Variants in RBFOX3 observed in about 807,000 individuals in gnomAD.
The protein encoded by RBFOX3 is RNA binding protein fox-1 homolog 3.
RBFOX3 carries 17 observed loss-of-function variants against 48.7 expected under a neutral mutation model. The observed-to-expected ratio is 0.35, with a 90% CI of 0.24 to 0.52. RBFOX3 has a LOEUF of 0.52. RBFOX3 is among the 20% of genes least tolerant of loss of function. The probability of loss-of-function intolerance (pLI) is 0.94; values close to 1 mark genes in which losing one functional copy is unlikely to be tolerated. For synonymous variants in RBFOX3, 212 were observed against 209.5 expected (o/e 1.01, Z -0.10); for missense variants, 382 against 497.5 (o/e 0.77, Z 2.21).
chr17:79,361,791 G>A lies in RBFOX3; in HGVS notation c.-174-53967C>T, dbSNP rs748108074. Among the ~76,000 whole-genome samples, 3 of 152,244 alleles carry A rather than the reference G, an allele frequency of 2.0e-5. No individual in the cohort carries two copies. Among genetic ancestry groups the A allele is most frequent in the African/African-American group, 4.8e-5 (2 of 41,464 alleles). On this transcript the variant is annotated intron_variant, in intron 2 of 14. Transcript: ENST00000693108. The surrounding 1 kb of genome is among the most constrained non-coding windows in gnomAD (Gnocchi z 4.5). ...GCACTTATTTATTTAGAGAAGCAGAGGAAGTGGAGGTGTTGCCAGTTCTTG... is the reference window on the plus strand; with the variant it reads ...GCACTTATTTATTTAGAGAAGCAGAAGAAGTGGAGGTGTTGCCAGTTCTTG...
intron 2 of RBFOX3, among the ~76,000 whole-genome samples, chr17:79,385,659 G>A (rs746845959): frequency 2.0e-5 from 3 of 152,184 alleles, no homozygotes; most frequent in African/African-American, 4.8e-5. Context: ...TATCACCCCC[G>A]TTACAGACAG....
chr17:79,231,858 TC>T (rs1157813397), intron 4 of RBFOX3, among the ~76,000 whole-genome samples: 1 of 152,192 alleles, frequency 6.6e-6, no homozygotes, highest in Non-Finnish European at 1.5e-5. Flanking sequence ...ATGTCACTGA[TC>T]GCTGTATTAG....
rs2063325056 is a variant in RBFOX3, at chr17:79,404,714, TC to T, written c.-175+77739del. Among the ~76,000 whole-genome samples, 12 of 152,002 alleles carry T rather than the reference TC, an allele frequency of 7.9e-5. No individual in the cohort carries two copies. The South Asian group carries it at 2.5e-3, about 32-fold the overall frequency. On this transcript the variant is annotated intron_variant, in intron 2 of 14. Coordinates refer to ENST00000693108, the MANE Select transcript of RBFOX3 (RefSeq NM_001350451.2). ...CCCAGTCCTGCTCTCACAGCCTCCC[TC>T]CCCCAAGAACCATCCATGGCTCCCT...
chr17:79,536,865 C>G (rs996119677), intron 1 of RBFOX3, among the ~76,000 whole-genome samples: 4 of 152,178 alleles, frequency 2.6e-5, no homozygotes, highest in African/African-American at 9.7e-5. Context: ...GCGGGCAGAT[C>G]ACAAGGTCAG....
At chr17:79,439,753 C>T (rs917657914) in intron 2 of RBFOX3, among the ~76,000 whole-genome samples, 4 of 152,334 alleles carry the variant, frequency 2.6e-5, no homozygotes, top group Non-Finnish European at 4.4e-5. Context: ...CACATGTGTG[C>T]GTAAGTGCAA....
chr17:79,490,231 A>G (rs1196178684), intron 1 of RBFOX3, among the ~76,000 whole-genome samples: 4 of 152,200 alleles, frequency 2.6e-5, no homozygotes, highest in East Asian at 1.9e-4. Context: ...TTAATAATAC[A>G]GTGTACCTTT....
chr17:79,148,083 C>G (rs1294230987), intron 4 of RBFOX3, among the ~76,000 whole-genome samples: 1 of 151,926 alleles, frequency 6.6e-6, no homozygotes, highest in Admixed American at 6.5e-5. Context: ...CCGTGGGACC[C>G]CAGGGTGCGT....
chr17:79,128,119 C>T (rs1000976077), intron 4 of RBFOX3, among the ~76,000 whole-genome samples: 1 of 152,218 alleles, frequency 6.6e-6, no homozygotes, highest in African/African-American at 2.4e-5. Flanking sequence ...GGAAGCCCTC[C>T]CCAGCATTGG....
intron 4 of RBFOX3, among the ~76,000 whole-genome samples, chr17:79,188,612 G>A (rs916788652): frequency 1.3e-5 from 2 of 152,192 alleles, no homozygotes; most frequent in African/African-American, 4.8e-5. Context: ...CCCCTCGGGG[G>A]CCCAGGAGCC....
the RBFOX3 span, among the ~76,000 whole-genome samples, chr17:79,626,489 C>T: frequency 6.6e-6 from 1 of 152,220 alleles, no homozygotes; most frequent in Admixed American, 6.5e-5. Context: ...ATACTAAAAT[C>T]ATCATCCCCC....
chr17:79,434,284 G>C (rs1187380683), intron 2 of RBFOX3, among the ~76,000 whole-genome samples: 1 of 152,180 alleles, frequency 6.6e-6, no homozygotes, highest in African/African-American at 2.4e-5. Context: ...TCTTGATTTT[G>C]GGGTCACAAA....
intron 3 of RBFOX3, among the ~76,000 whole-genome samples, chr17:79,264,151 G>A (rs1414226096): frequency 6.6e-6 from 1 of 151,140 alleles, no homozygotes; most frequent in African/African-American, 2.4e-5. Context: ...GGAGTGCAGT[G>A]GTGCGATTTC....
At chr17:79,181,325 A>G (rs1478893779) in intron 4 of RBFOX3, among the ~76,000 whole-genome samples, 1 of 152,194 alleles carries the variant, frequency 6.6e-6, no homozygotes, top group Non-Finnish European at 1.5e-5. Context: ...GTGGCTGTAC[A>G]GCAGATCTGT....
In RBFOX3 at chr17:79,245,525, A is replaced by G. The variant is rs1006422837; in HGVS notation, c.-73-9720T>C. On this transcript the variant is annotated intron_variant, in intron 3 of 14. Coordinates refer to ENST00000693108, the MANE Select transcript of RBFOX3 (RefSeq NM_001350451.2). ...ATGAAGCACCTCACACTGTTCACCC[A>G]TTCCCACCGCTCACCCCCTCAGTCC... is the stretch of plus-strand genomic sequence containing the variant. 6.7e-5 allele frequency among the ~76,000 whole-genome samples: 10 copies of G among 148,482 alleles called. No individual in the cohort carries two copies. The East Asian group carries it at 1.4e-3, about 20-fold the overall frequency.
At chr17:79,436,960 G>A (rs1231104233) in intron 2 of RBFOX3, among the ~76,000 whole-genome samples, 1 of 152,182 alleles carries the variant, frequency 6.6e-6, no homozygotes, top group African/African-American at 2.4e-5. Flanking sequence ...GGCCAGAGCC[G>A]CCATCTTCTG....
At chr17:79,609,797 C>G (rs1315418191) in intron 1 of RBFOX3, among the ~76,000 whole-genome samples, 2 of 152,142 alleles carry the variant, frequency 1.3e-5, no homozygotes, top group South Asian at 2.1e-4. Context: ...CTCCGCGTCC[C>G]GGGGAGGGAG....
intron 2 of RBFOX3, among the ~76,000 whole-genome samples, chr17:79,381,772 G>C (rs1441199119): frequency 6.6e-6 from 1 of 152,200 alleles, no homozygotes; most frequent in Non-Finnish European, 1.5e-5. Context: ...CAGTCTCCCA[G>C]GCAGGCCTCA....
chr17:79,579,798 G>A (rs2092990628), intron 1 of RBFOX3, among the ~76,000 whole-genome samples: 3 of 134,598 alleles, frequency 2.2e-5, no homozygotes, highest in South Asian at 2.5e-4. Flanking sequence ...TGTCACTGGC[G>A]CCATGGTGGG....
intron 1 of RBFOX3, among the ~76,000 whole-genome samples, chr17:79,545,936 C>CTG (rs150310406): frequency 2.6e-5 from 4 of 152,298 alleles, no homozygotes; most frequent in Admixed American, 2.6e-4. Context: ...ATTGGAAAGA[C>CTG]TGTGTGTGTG....
Sources: gnomAD v4.1 joint callset for allele counts (sites outside exome capture counted in the v4.1 genomes callset) on GRCh38, gnomAD v4.1.1 for gene constraint, Gnocchi (gnomAD v3.1) non-coding constraint, MANE v1.5 for transcripts, NCBI Gene and HGNC (gene_info 2026-07-23, HGNC 2026-07-21) for gene names.